OSBPL6: variants seen among roughly 807,000 people sequenced by gnomAD.
The protein encoded by OSBPL6 is oxysterol-binding protein-related protein 6.
OSBPL6 carries 49 observed loss-of-function variants against 125.8 expected under a neutral mutation model. That is an observed-to-expected ratio of 0.39 (90% CI 0.31 to 0.49). OSBPL6 has a LOEUF of 0.49. Ranked by LOEUF, OSBPL6 falls within the 20% of genes least tolerant of loss-of-function variation. The pLI is 0.88. For synonymous variants in OSBPL6, 394 were observed against 391.8 expected (o/e 1.01, Z -0.07); for missense variants, 986 against 1,135.4 (o/e 0.87, Z 1.89).
intron 1 of OSBPL6, among the ~76,000 whole-genome samples, chr2:178,213,516 C>T (rs1166665120): frequency 1.3e-5 from 2 of 152,068 alleles, no homozygotes; most frequent in African/African-American, 2.4e-5. Context: ...TGCCCTTTTT[C>T]ATGCCTCCAT....
intron 1 of OSBPL6, among the ~76,000 whole-genome samples, chr2:178,270,406 A>G (rs1459479413): frequency 6.6e-6 from 1 of 152,144 alleles, no homozygotes; most frequent in African/African-American, 2.4e-5. Context: ...TTTAATTCTC[A>G]TTACAACTCT....
chr2:178,281,920 A>T, intron 1 of OSBPL6, among the ~76,000 whole-genome samples: 1 of 152,184 alleles, frequency 6.6e-6, no homozygotes, highest in African/African-American at 2.4e-5. Flanking sequence ...CTGTGTAACA[A>T]ACATGTACAT....
Position 178,402,801 on chromosome 2 carries a change from A to G in OSBPL6, c.*7242A>G, listed in dbSNP as rs983172644. 1 of 152,210 alleles carries G rather than the reference A, an allele frequency of 6.6e-6. No individual in the cohort carries two copies. Among genetic ancestry groups the G allele is most frequent in the Non-Finnish European group, 1.5e-5 (1 of 68,032 alleles). 9.4% of individuals were successfully genotyped at this position (152,210 alleles called of 1,614,324 possible). A position where few individuals can be genotyped will look rare whatever the true frequency, so the allele number is the denominator to read the frequency against. On this transcript the variant is annotated 3_prime_UTR_variant, in exon 25 of 25. Coordinates refer to ENST00000190611, the MANE Select transcript of OSBPL6 (RefSeq NM_032523.4). ...AATTTGTCTAATCTGTGCCACCTCA[A>G]AATAAGAATTGTGCCTCTTCAATGA...
intron 1 of OSBPL6, among the ~76,000 whole-genome samples, chr2:178,244,608 C>T (rs1354091790): frequency 6.6e-6 from 1 of 152,190 alleles, no homozygotes; most frequent in Non-Finnish European, 1.5e-5. Context: ...AGGTAGCCTT[C>T]TCAACTGGAA....
In OSBPL6 at chr2:178,384,109, A is replaced by G. The variant is rs751034042; in HGVS notation, c.1946A>G (p.Asn649Ser). 2 of 1,614,140 alleles carry G rather than the reference A, an allele frequency of 1.2e-6. No homozygotes were observed. The highest frequency in any genetic ancestry group is 1.3e-5 in the African/African-American group (1 of 75,042). The change falls in exon 18 of 25, where the codon AAC (asparagine) becomes AGC (serine). Residue 649 changes from asparagine (N) to serine (S), a missense_variant. Around this residue, in one of 3 missense-constraint regions of OSBPL6, gnomAD observed 843 missense variants for 997.3 expected, o/e 0.85. Transcript: ENST00000190611. ...TTCAGAGCAGGAAGTAAGCCATTCA[A>G]CCCAGTCCTTGGGGAGACTTATGAA... Reference protein sequence around the residue: ...TYFRAGSKPFNPVLGETYECI... With the variant: ...TYFRAGSKPFSPVLGETYECI...
chr2:178,381,620 T>C (rs967387889), intron 15 of OSBPL6, among the ~76,000 whole-genome samples: 2 of 152,140 alleles, frequency 1.3e-5, no homozygotes, highest in Admixed American at 6.6e-5. Context: ...CCCAAAGTGC[T>C]GGGATTACAG....
At chr2:178,269,199 A>T (rs1574694081) in intron 1 of OSBPL6, among the ~76,000 whole-genome samples, 1 of 152,268 alleles carries the variant, frequency 6.6e-6, no homozygotes, top group Admixed American at 6.5e-5. Flanking sequence ...ACATGAGGGG[A>T]TGGGCCAGGA....
intron 1 of OSBPL6, among the ~76,000 whole-genome samples, chr2:178,209,171 TTGA>T (rs1429869849): frequency 6.6e-6 from 1 of 152,164 alleles, no homozygotes; most frequent in Non-Finnish European, 1.5e-5. Flanking sequence ...ATTAGTTTTA[TTGA>T]TGCTTTCTTC....
intron 9 of OSBPL6, among the ~76,000 whole-genome samples, chr2:178,336,705 C>G (rs1689720748): frequency 1.3e-5 from 2 of 152,142 alleles, no homozygotes; most frequent in Non-Finnish European, 1.5e-5. Context: ...CTTCAGCCTT[C>G]TCTCCTTGTC....
upstream of OSBPL6, among the ~76,000 whole-genome samples, chr2:178,194,233 G>A (rs1032951128): frequency 6.6e-6 from 1 of 152,184 alleles, no homozygotes; most frequent in African/African-American, 2.4e-5. Context: ...TTCCCACGGA[G>A]GCCGGGCCAG....
intron 1 of OSBPL6, among the ~76,000 whole-genome samples, chr2:178,251,327 A>G (rs539704284): frequency 6.6e-6 from 1 of 151,666 alleles, no homozygotes; most frequent in South Asian, 2.1e-4. Flanking sequence ...TGTCAGTATT[A>G]TAAAGTCAGA....
chr2:178,330,078 C>T (rs1455713201), intron 5 of OSBPL6, among the ~76,000 whole-genome samples: 1 of 152,090 alleles, frequency 6.6e-6, no homozygotes, highest in Admixed American at 6.5e-5. Context: ...CTGAGATTTT[C>T]GCCAATTGGC....
At chr2:178,394,177 G>A (rs1345754973) in intron 23 of OSBPL6, 136 bp from the exon 24 acceptor site, 41 of 1,123,588 alleles carry the variant, frequency 3.6e-5, no homozygotes, top group South Asian at 2.5e-4. Flanking sequence ...CCAGCCTGGC[G>A]ACAGAGCAAG....
In OSBPL6 at chr2:178,307,304, C is replaced by T. The variant is rs548223583; in HGVS notation, c.102+1018C>T. Among the ~76,000 whole-genome samples the T allele has an allele frequency of 3.9e-5, 6 of 152,184 alleles. No homozygotes were observed. The South Asian group carries it at 1.2e-3, about 32-fold the overall frequency. On this transcript the variant is annotated intron_variant, in intron 3 of 24. Coordinates refer to ENST00000190611, the MANE Select transcript of OSBPL6 (RefSeq NM_032523.4). ...TAGTGCAAGTACACTGCTGGGGATG[C>T]TTTTTAGGAAACCCTCCCAACACTC... is the stretch of plus-strand genomic sequence containing the variant.
chr2:178,364,287 G>C (rs1692613157), intron 13 of OSBPL6, among the ~76,000 whole-genome samples: 1 of 152,174 alleles, frequency 6.6e-6, no homozygotes, highest in South Asian at 2.1e-4. Context: ...ATTTTAACTG[G>C]TAAATGATAA....
chr2:178,391,536 T>C (rs1489391387), intron 22 of OSBPL6, among the ~76,000 whole-genome samples: 1 of 152,218 alleles, frequency 6.6e-6, no homozygotes, highest in Non-Finnish European at 1.5e-5. Context: ...CTTTAGATAA[T>C]TGAAGTATAC....
At chr2:178,342,156 C>A (rs117174798) in intron 11 of OSBPL6, among the ~76,000 whole-genome samples, 3 of 152,140 alleles carry the variant, frequency 2.0e-5, no homozygotes, top group Non-Finnish European at 4.4e-5. Flanking sequence ...AAACCACTTT[C>A]GCTGATGTTG....
chr2:178,353,716 A>G (rs1414220955), intron 12 of OSBPL6, among the ~76,000 whole-genome samples: 1 of 152,236 alleles, frequency 6.6e-6, no homozygotes, highest in African/African-American at 2.4e-5. Context: ...AGACAGGCCA[A>G]CATCGAGATT....
At chr2:178,311,453 C>A (rs1687261756) in intron 3 of OSBPL6, among the ~76,000 whole-genome samples, 1 of 152,166 alleles carries the variant, frequency 6.6e-6, no homozygotes, top group Admixed American at 6.5e-5. Flanking sequence ...GTATTTGTTT[C>A]CTGTTTATGT....
Sources: allele counts gnomAD v4.1 joint callset (sites outside exome capture counted in the v4.1 genomes callset), GRCh38; gene constraint gnomAD v4.1.1; regional missense constraint gnomAD v4.1.1; transcripts MANE v1.5; gene names NCBI Gene and HGNC (gene_info 2026-07-23, HGNC 2026-07-21).